Variants in THOC1 observed in about 807,000 individuals in gnomAD.
The protein encoded by THOC1 is THO complex 1.
Under a neutral mutation model 97.3 loss-of-function variants are expected in THOC1, and 29 were observed. The ratio of observed to expected loss-of-function variants is 0.30; its 90% CI spans 0.22 to 0.41. THOC1 has a LOEUF of 0.41. THOC1 is among the 10% of genes least tolerant of loss of function. The pLI, the probability that THOC1 is intolerant of heterozygous loss-of-function variation, is 1.00. For missense variants in THOC1, 529 were observed against 761.9 expected, an observed-to-expected ratio of 0.69 and a Z score of 3.60; for synonymous variants, 255 against 257.0, an observed-to-expected ratio of 0.99 and a Z score of 0.07.
rs778235053 is a variant in THOC1, at chr18:254,817, ATT to A, written c.521-464_521-463del. On this transcript the variant is annotated intron_variant, in intron 7 of 20. Transcript: ENST00000261600. This position sits in a 1 kb window ranked among gnomAD's most constrained non-coding sequence, Gnocchi z 4.1. ...CATCTAAGATCTAAGACAGTAAACT[ATT>A]TTTTTTTTTTTTTGAGACAGCGACT... 1.3e-4 allele frequency among the ~76,000 whole-genome samples: 18 copies of A among 140,096 alleles called. No individual in the cohort carries two copies. Among genetic ancestry groups the A allele is most frequent in the Admixed American group, 2.1e-4 (3 of 13,988 alleles). The allele number at this position is 140,096 out of a possible 152,430, so 91.9% of individuals were successfully genotyped here.
At position 225,156 on chromosome 18, in the gene THOC1, T is replaced by C. The variant is rs1164375077; in HGVS notation, c.1087-17A>G. On this transcript the variant is annotated splice_polypyrimidine_tract_variant and intron_variant, in intron 13 of 20. Transcript: ENST00000261600. ...AGATAGTAGCTGTGATTAGAAAGAA[T>C]ATACTAAGCTTTCAACAACTTTCTG... The C allele has an allele frequency of 1.3e-6, 2 of 1,559,440 alleles. No individual in the cohort carries two copies. Among genetic ancestry groups the C allele is most frequent in the South Asian group, 1.2e-5 (1 of 83,586 alleles).
intron 11 of THOC1, among the ~76,000 whole-genome samples, chr18:241,680 A>G (rs574534574): frequency 6.6e-6 from 1 of 152,342 alleles, no homozygotes; most frequent in Admixed American, 6.5e-5. Context: ...TTCTGTGAGA[A>G]CTTAAAAGAT....
intron 10 of THOC1, among the ~76,000 whole-genome samples, chr18:247,232 G>A (rs1912124726): frequency 6.6e-6 from 1 of 152,148 alleles, no homozygotes; most frequent in African/African-American, 2.4e-5. Context: ...GCTATTCTGA[G>A]AACTACCTAT....
chr18:253,899 GA>G (rs1011909005), intron 8 of THOC1, among the ~76,000 whole-genome samples: 9 of 139,674 alleles, frequency 6.4e-5, no homozygotes, highest in East Asian at 2.2e-4. Flanking sequence ...CCATTTACAT[GA>G]AATTTTTTTT....
At chr18:246,548 C>CTACATACATGATTGACTGGG in intron 10 of THOC1, 93 bp from the exon 11 acceptor site, 1 of 1,081,832 alleles carries the variant, frequency 9.2e-7, no homozygotes, top group Non-Finnish European at 1.3e-6. Context: ...TACTCCCAGT[C>CTACATACATGATTGACTGGG]AATCATGTAT....
chr18:248,811 T>C (rs1029836349), intron 9 of THOC1, among the ~76,000 whole-genome samples: 3 of 152,218 alleles, frequency 2.0e-5, no homozygotes, highest in East Asian at 1.9e-4. Flanking sequence ...AGGGCAGTGG[T>C]GCGATCTCAG....
At chr18:265,682 T>C in intron 1 of THOC1, 152 bp from the exon 2 acceptor site, 1 of 604,510 alleles carries the variant, frequency 1.7e-6, no homozygotes, top group Non-Finnish European at 2.8e-6. Context: ...TAATCCTTAT[T>C]CCAATGCTAC....
At chr18:246,556 T>A in intron 10 of THOC1, 101 bp from the exon 11 acceptor site, 2 of 958,484 alleles carry the variant, frequency 2.1e-6, no homozygotes, top group Non-Finnish European at 3.2e-6. Flanking sequence ...GTCAATCATG[T>A]ATGTAGACTG....
chr18:222,102 C>G (rs1364202068), intron 17 of THOC1, among the ~76,000 whole-genome samples: 9 of 152,142 alleles, frequency 5.9e-5, no homozygotes, highest in Non-Finnish European at 1.2e-4. Context: ...TTAAAAATTA[C>G]ATATTCCATT....
At chr18:227,359 C>T (rs1378367720) in intron 11 of THOC1, among the ~76,000 whole-genome samples, 1 of 152,038 alleles carries the variant, frequency 6.6e-6, no homozygotes, top group Non-Finnish European at 1.5e-5. Context: ...CTACTACTTT[C>T]TCACATATGA....
chr18:266,583 G>A (rs1912776698), intron 1 of THOC1, among the ~76,000 whole-genome samples: 1 of 142,718 alleles, frequency 7.0e-6, no homozygotes, highest in Non-Finnish European at 1.5e-5. Flanking sequence ...CTGTTGCCCA[G>A]GTGTTGTGCA....
In THOC1 at chr18:259,278, A is replaced by C. The variant is rs772851776; in HGVS notation, c.425-3T>G. The C allele has an allele frequency of 4.4e-6, 7 of 1,593,008 alleles. No homozygotes were observed. In the African/African-American group the frequency reaches 9.5e-5, roughly 22 times the overall value. On this transcript the variant is annotated splice_polypyrimidine_tract_variant and splice_region_variant and intron_variant, in intron 6 of 20. Coordinates refer to ENST00000261600, the MANE Select transcript of THOC1 (RefSeq NM_005131.3). Reference sequence around the variant, plus strand: ...TTTAGACAATCTTCTTAGGAGATCTAACAATATATGAAAATGAACGTTACA... The same window carrying C: ...TTTAGACAATCTTCTTAGGAGATCTCACAATATATGAAAATGAACGTTACA...
intron 11 of THOC1, 140 bp downstream of exon 11, chr18:246,184 A>G: frequency 1.4e-6 from 1 of 692,022 alleles, no homozygotes; most frequent in Non-Finnish European, 2.3e-6. Context: ...GGACTTTCAA[A>G]CTAACATTAA....
intron 6 of THOC1, 82 bp from the exon 7 acceptor site, chr18:259,357 G>T: frequency 8.5e-7 from 1 of 1,172,940 alleles, no homozygotes; most frequent in Non-Finnish European, 1.2e-6. Flanking sequence ...TTCTAAACCA[G>T]TGTGTCAAGA....
chr18:260,456 C>T (rs1446440622), intron 4 of THOC1, 152 bp from the exon 5 acceptor site: 3 of 485,868 alleles, frequency 6.2e-6, no homozygotes, highest in African/African-American at 6.1e-5. Flanking sequence ...ACCTAAAAGT[C>T]CCCAAATAGG....
intron 20 of THOC1, 63 bp from the exon 21 acceptor site, chr18:214,984 A>G: frequency 4.7e-6 from 7 of 1,492,458 alleles, no homozygotes; most frequent in African/African-American, 1.4e-5. Flanking sequence ...ATGGAAAGCT[A>G]TGGGGCCAAT....
Position 260,272 on chromosome 18 carries a change from A to G in THOC1, c.289T>C (p.Leu97=). ...ICTASTPFVL[L]GDVLDCLPLD... is the part of the protein sequence containing the mutation. Reference sequence around the variant, plus strand: ...GGAAGACAATCCAAAACATCTCCCAACAATACAAAAGGTGTAGATGCGGTA... The same window carrying G: ...GGAAGACAATCCAAAACATCTCCCAGCAATACAAAAGGTGTAGATGCGGTA... Residue 97 remains leucine (L), a synonymous_variant, in exon 5 of 21, where the codon TTG becomes CTG. Transcript: ENST00000261600. 6.3e-7 allele frequency: 1 copy of G among 1,594,322 alleles called. No homozygotes were observed.
chr18:232,759 A>G (rs1911529267), intron 11 of THOC1, among the ~76,000 whole-genome samples: 1 of 151,638 alleles, frequency 6.6e-6, no homozygotes, highest in African/African-American at 2.4e-5. Flanking sequence ...TAGTATTGTT[A>G]GGCTTTTCAA....
intron 6 of THOC1, 78 bp downstream of exon 6, chr18:259,604 T>A (rs1401929234): frequency 1.9e-6 from 2 of 1,033,750 alleles, no homozygotes; most frequent in Non-Finnish European, 2.9e-6. Context: ...ATGTTATCAC[T>A]GGTATTTAAT....
Sources: allele counts gnomAD v4.1 joint callset (sites outside exome capture counted in the v4.1 genomes callset), GRCh38; gene constraint gnomAD v4.1.1; non-coding constraint Gnocchi (gnomAD v3.1); transcripts MANE v1.5; gene names NCBI Gene and HGNC (gene_info 2026-07-23, HGNC 2026-07-21).